The following PCDHGA2 variants were observed in gnomAD, a reference collection of about 807,000 sequenced individuals.
PCDHGA2 encodes the protein protocadherin gamma-A2.
Under a neutral mutation model 59.2 loss-of-function variants are expected in PCDHGA2, and 40 were observed. That is an observed-to-expected ratio of 0.68 (90% CI 0.52 to 0.88). The LOEUF is 0.88. PCDHGA2 is among the 40% of genes least tolerant of loss of function. The pLI is 0.00. For missense variants in PCDHGA2, 1,226 were observed against 1,204.0 expected (o/e 1.02, Z -0.27); for synonymous variants, 560 against 526.0 (o/e 1.06, Z -0.89).
rs994324285 is a variant in PCDHGA2 at position 141,455,094 on chromosome 5, G to A, written c.2425-39713G>A. Among the ~76,000 whole-genome samples the A allele has an allele frequency of 3.3e-5, 5 of 152,104 alleles. No individual in the cohort carries two copies. In the Middle Eastern group the frequency reaches 0.014, roughly 414 times the overall value. ...CCCAAAGTGCTGGGATTACAGGCTT[G>A]AGCCACTGCGCCCGGTGGGTCTAAT... On this transcript the variant is annotated intron_variant, in intron 1 of 3. Coordinates refer to ENST00000394576, the MANE Select transcript of PCDHGA2 (RefSeq NM_018915.4).
intron 2 of PCDHGA2, among the ~76,000 whole-genome samples, chr5:141,500,184 T>TTTTTTTTA (rs1554186429): frequency 7.8e-4 from 106 of 135,966 alleles, no homozygotes; most frequent in African/African-American, 2.4e-3. Context: ...TCATTTTTAT[T>TTTTTTTTA]TTTATTTATT....
intron 1 of PCDHGA2, chr5:141,404,997 C>T: frequency 6.2e-7 from 1 of 1,614,034 alleles, no homozygotes; most frequent in East Asian, 2.2e-5. Flanking sequence ...CAGATCCCTG[C>T]AGACCTGGAG....
chr5:141,390,101 CA>C (rs1212774339), intron 1 of PCDHGA2: 8 of 1,613,946 alleles, frequency 5.0e-6, no homozygotes, highest in Non-Finnish European at 6.8e-6. Flanking sequence ...TGGTTCCCCC[CA>C]ACTACAGCGA....
intron 1 of PCDHGA2, among the ~76,000 whole-genome samples, chr5:141,400,828 A>G (rs2094080616): frequency 6.6e-6 from 1 of 152,184 alleles, no homozygotes. Context: ...TCGTTGTCTC[A>G]TTCTTTAACA....
chr5:141,351,555 C>T (rs776805404), intron 1 of PCDHGA2: 7 of 1,614,022 alleles, frequency 4.3e-6, no homozygotes, highest in South Asian at 3.3e-5. Context: ...TCCTCCAGGA[C>T]AAGCATCACC....
chr5:141,346,668 T>A (rs2149741618), intron 1 of PCDHGA2: 12 of 708,510 alleles, frequency 1.7e-5, no homozygotes, highest in Middle Eastern at 4.0e-4. Context: ...AAATAATACA[T>A]CGTGAGTGAA....
At chr5:141,422,501 CCA>C in intron 1 of PCDHGA2, 1 of 1,613,928 alleles carries the variant, frequency 6.2e-7, no homozygotes, top group African/African-American at 1.3e-5. Flanking sequence ...ACGTTGACAG[CCA>C]CAGACCAGGG....
intron 1 of PCDHGA2, chr5:141,403,938 G>C (rs1181403397): frequency 1.2e-6 from 2 of 1,613,848 alleles, no homozygotes; most frequent in Non-Finnish European, 1.7e-6. Flanking sequence ...GGATTGAAAG[G>C]GTGGACAAAA....
At chr5:141,408,953 CTT>C in intron 1 of PCDHGA2, 1 of 1,613,552 alleles carries the variant, frequency 6.2e-7, no homozygotes, top group Non-Finnish European at 8.5e-7. Context: ...TAGAATTAGT[CTT>C]AGTGAAAATC....
At position 141,490,742 on chromosome 5, in the gene PCDHGA2, C is replaced by A. The variant is rs1281337347; in HGVS notation, c.2425-4065C>A. 1.2e-6 allele frequency: 2 copies of A among 1,614,062 alleles called. No homozygotes were observed. Among genetic ancestry groups the A allele is most frequent in the Non-Finnish European group, 1.7e-6 (2 of 1,180,022 alleles). On this transcript the variant is annotated intron_variant, in intron 1 of 3. Coordinates refer to ENST00000394576, the MANE Select transcript of PCDHGA2 (RefSeq NM_018915.4). This position sits in a 1 kb window ranked among gnomAD's most constrained non-coding sequence, Gnocchi z 5.4. ...ATTGTAGGAAATCAGGTTCAGGGAGCCCCAGCCTCCTCCTTTGTGTATGTC... is the reference window on the plus strand; with the variant it reads ...ATTGTAGGAAATCAGGTTCAGGGAGACCCAGCCTCCTCCTTTGTGTATGTC...
intron 3 of PCDHGA2, among the ~76,000 whole-genome samples, chr5:141,506,485 A>C (rs2154593953): frequency 6.6e-6 from 1 of 150,572 alleles, no homozygotes; most frequent in East Asian, 2.0e-4. Flanking sequence ...CTTTAGAGGC[A>C]GGCCAATCTG....
chr5:141,444,467 G>C (rs1288596542), intron 1 of PCDHGA2, among the ~76,000 whole-genome samples: 2 of 151,998 alleles, frequency 1.3e-5, no homozygotes, highest in Admixed American at 6.6e-5. Flanking sequence ...CACTGCGCCC[G>C]GTCGCGTACT....
intron 1 of PCDHGA2, chr5:141,394,106 T>C: frequency 1.2e-6 from 2 of 1,613,942 alleles, no homozygotes; most frequent in Non-Finnish European, 1.7e-6. Flanking sequence ...GAACACCACC[T>C]CTGTCCACTG....
At chr5:141,371,899 C>A in intron 1 of PCDHGA2, 1 of 1,613,414 alleles carries the variant, frequency 6.2e-7, no homozygotes, top group Non-Finnish European at 8.5e-7. Flanking sequence ...CGGGAGCTGT[C>A]GTCCTACGTG....
In PCDHGA2 at chr5:141,360,072, C is replaced by A; in HGVS notation, c.2424+18677C>A. ...AAAAGCAGGAAAAGTGACCTTAGCC[C>A]GGATTCTGCCATCCCCGGAAGGCTT... On this transcript the variant is annotated intron_variant, in intron 1 of 3. Coordinates refer to ENST00000394576, the MANE Select transcript of PCDHGA2 (RefSeq NM_018915.4). 4.8e-6 allele frequency: 7 copies of A among 1,473,480 alleles called. No homozygotes were observed. In the South Asian group the frequency reaches 1.0e-4, roughly 21 times the overall value. 91.3% of individuals were successfully genotyped at this position (1,473,480 alleles called of 1,614,324 possible). A position where few individuals can be genotyped will look rare whatever the true frequency, so the allele number is the denominator to read the frequency against.
At chr5:141,398,415 C>T (rs2093654537) in intron 1 of PCDHGA2, 2 of 1,487,146 alleles carry the variant, frequency 1.3e-6, no homozygotes, top group Non-Finnish European at 1.9e-6. Context: ...AGGAGATATG[C>T]GGGAAGAAGC....
At position 141,490,707 on chromosome 5, in the gene PCDHGA2, C is replaced by T; in HGVS notation, c.2425-4100C>T. ...CAGACACTGGGGATAATGCCCGCCT[C>T]ACCTACTCCATTGTAGGAAATCAGG... On this transcript the variant is annotated intron_variant, in intron 1 of 3. Transcript: ENST00000394576. The surrounding 1 kb of genome is among the most constrained non-coding windows in gnomAD (Gnocchi z 5.4). The T allele has an allele frequency of 3.1e-6, 5 of 1,614,194 alleles. No individual in the cohort carries two copies. Among genetic ancestry groups the T allele is most frequent in the Non-Finnish European group, 3.4e-6 (4 of 1,180,008 alleles).
chr5:141,341,448 C>T, intron 1 of PCDHGA2, 53 bp downstream of exon 1: 1 of 1,608,668 alleles, frequency 6.2e-7, no homozygotes. Flanking sequence ...AAGTAATTCA[C>T]TTACTTGTTT....
chr5:141,419,207 CCGGTTTTCGGACAGT>C, intron 1 of PCDHGA2: 5 of 1,613,998 alleles, frequency 3.1e-6, no homozygotes, highest in Non-Finnish European at 4.2e-6. Flanking sequence ...TGACAACGCG[CCGGTTTTCGGACAGT>C]CAGCCTACCT....
Sources: allele counts gnomAD v4.1 joint callset (sites outside exome capture counted in the v4.1 genomes callset), GRCh38; gene constraint gnomAD v4.1.1; non-coding constraint Gnocchi (gnomAD v3.1); transcripts MANE v1.5; gene names NCBI Gene and HGNC (gene_info 2026-07-23, HGNC 2026-07-21).